Variants in SNX24 observed in about 807,000 individuals in gnomAD.
SNX24 encodes sorting nexin 24, also known as sorting nexin-24.
Under a neutral mutation model 28.7 loss-of-function variants are expected in SNX24, and 22 were observed. The ratio of observed to expected loss-of-function variants is 0.77; its 90% CI spans 0.55 to 1.10. The LOEUF is 1.10. Ranked by LOEUF, SNX24 falls within the 50% of genes least tolerant of loss-of-function variation. The probability of loss-of-function intolerance (pLI) is 0.00; values close to 1 mark genes in which losing one functional copy is unlikely to be tolerated. For missense variants in SNX24, 221 were observed against 201.1 expected (o/e 1.10, Z -0.60); for synonymous variants, 69 against 71.5 (o/e 0.96, Z 0.18).
intron 3 of SNX24, among the ~76,000 whole-genome samples, chr5:122,982,069 T>G (rs1216893834): frequency 6.6e-6 from 1 of 152,260 alleles, no homozygotes; most frequent in Non-Finnish European, 1.5e-5. Context: ...CACACACATT[T>G]GTTTTCCAGG....
intron 1 of SNX24, among the ~76,000 whole-genome samples, chr5:122,926,237 G>A (rs1288528460): frequency 2.0e-5 from 3 of 152,224 alleles, no homozygotes; most frequent in African/African-American, 4.8e-5. Flanking sequence ...ATAGGTGGCA[G>A]TGAGGGAACG....
intron 3 of SNX24, among the ~76,000 whole-genome samples, chr5:122,984,573 G>A (rs1761518036): frequency 6.6e-6 from 1 of 152,156 alleles, no homozygotes; most frequent in Non-Finnish European, 1.5e-5. Flanking sequence ...ACCCTCATAA[G>A]GAAATATCAG....
At position 122,870,778 on chromosome 5, in the gene SNX24, A is replaced by G. The variant is rs549674510; in HGVS notation, c.60+25085A>G. 1.3e-3 allele frequency among the ~76,000 whole-genome samples: 202 copies of G among 152,338 alleles called. 1 individual carries two copies. The highest frequency in any genetic ancestry group is 4.5e-3 in the African/African-American group (187 of 41,570). On this transcript the variant is annotated intron_variant, in intron 1 of 6. Transcript: ENST00000261369. The stretch of plus-strand genomic sequence containing the variant: ...TGGAAAAACTTCAGGTGTTAGCACC[A>G]CTTCAGGTGCCTGACCCTAAGGGAG...
intron 5 of SNX24, chr5:123,028,874 G>C: frequency 1.3e-6 from 2 of 1,589,304 alleles, no homozygotes; most frequent in Non-Finnish European, 1.7e-6. Context: ...CCTTTCTAAA[G>C]AGATTACTTC....
chr5:122,927,226 A>G (rs1758739604), intron 1 of SNX24, among the ~76,000 whole-genome samples: 1 of 152,246 alleles, frequency 6.6e-6, no homozygotes, highest in South Asian at 2.1e-4. Context: ...ATAGAGTATT[A>G]GCAGAGCCCA....
intron 1 of SNX24, among the ~76,000 whole-genome samples, chr5:122,881,835 A>G (rs1390871558): frequency 6.6e-6 from 1 of 151,518 alleles, no homozygotes; most frequent in Non-Finnish European, 1.5e-5. Context: ...TAGAAAAAAC[A>G]TATAGTAAAT....
chr5:122,863,901 A>T (rs1331097707), intron 1 of SNX24, among the ~76,000 whole-genome samples: 1 of 150,868 alleles, frequency 6.6e-6, no homozygotes, highest in Admixed American at 6.6e-5. Flanking sequence ...GAGCGACGTG[A>T]TTCAGTGGCA....
At chr5:122,936,109 C>A (rs1330428491) in intron 1 of SNX24, among the ~76,000 whole-genome samples, 1 of 152,170 alleles carries the variant, frequency 6.6e-6, no homozygotes, top group African/African-American at 2.4e-5. Context: ...ACCCAGAGAA[C>A]CTTTTCATCT....
chr5:123,001,844 C>A, intron 5 of SNX24, 96 bp from the exon 6 acceptor site: 1 of 990,058 alleles, frequency 1.0e-6, no homozygotes, highest in South Asian at 1.3e-5. Flanking sequence ...TTGAGACGTC[C>A]CCGCACAGCA....
intron 3 of SNX24, among the ~76,000 whole-genome samples, chr5:122,974,464 G>T (rs548925460): frequency 6.6e-6 from 1 of 152,338 alleles, no homozygotes; most frequent in Admixed American, 6.5e-5. Context: ...TGCTGGCCTT[G>T]CCAGCTGAAA....
At chr5:122,899,030 G>T (rs1318736520) in intron 1 of SNX24, among the ~76,000 whole-genome samples, 4 of 152,204 alleles carry the variant, frequency 2.6e-5, no homozygotes, top group Non-Finnish European at 5.9e-5. Flanking sequence ...CCATTTTTGA[G>T]AGCTTCTTTT....
At chr5:122,991,384 A>G (rs1459156193) in intron 3 of SNX24, among the ~76,000 whole-genome samples, 1 of 152,204 alleles carries the variant, frequency 6.6e-6, no homozygotes, top group Non-Finnish European at 1.5e-5. Flanking sequence ...TGCTGAAAAG[A>G]ATTGAGCTGT....
rs183559999 is a variant in SNX24, at chr5:123,001,355, G to A, written c.345-50G>A. 3.7e-4 allele frequency: 465 copies of A among 1,246,432 alleles called. 5 individuals are homozygous for A. The highest frequency in any genetic ancestry group is 2.8e-3 in the Middle Eastern group (14 of 4,934). 77.2% of individuals were successfully genotyped at this position (1,246,432 alleles called of 1,614,324 possible). On this transcript the variant is annotated intron_variant, in intron 4 of 6. Coordinates refer to ENST00000261369, the MANE Select transcript of SNX24 (RefSeq NM_014035.4). ...TTTTTCCTTTGTTGGCATAAACATT[G>A]ACTCAACATATGTGGTTTTTTTGTT... is the stretch of plus-strand genomic sequence containing the variant.
chr5:122,939,362 G>A (rs1022696616), intron 2 of SNX24, among the ~76,000 whole-genome samples: 1 of 152,118 alleles, frequency 6.6e-6, no homozygotes, highest in Non-Finnish European at 1.5e-5. Context: ...AGGAGTTGTA[G>A]CCCCTCTTTC....
At chr5:122,924,514 G>A (rs1244358440) in intron 1 of SNX24, among the ~76,000 whole-genome samples, 1 of 152,128 alleles carries the variant, frequency 6.6e-6, no homozygotes, top group African/African-American at 2.4e-5. Context: ...ACTCTACTCA[G>A]TACAGTGTGC....
intron 2 of SNX24, among the ~76,000 whole-genome samples, chr5:122,938,416 TAATAG>T (rs1759276583): frequency 6.6e-6 from 1 of 152,208 alleles, no homozygotes; most frequent in African/African-American, 2.4e-5. Context: ...CTACTAGCAT[TAATAG>T]AATAGAAATT....
chr5:122,857,876 G>A (rs967176439), intron 1 of SNX24, among the ~76,000 whole-genome samples: 1 of 152,050 alleles, frequency 6.6e-6, no homozygotes, highest in Admixed American at 6.6e-5. Context: ...TCCGCCTCCT[G>A]GGTTCAAGCG....
At chr5:122,848,237 A>G (rs1754730751) in intron 1 of SNX24, among the ~76,000 whole-genome samples, 1 of 152,136 alleles carries the variant, frequency 6.6e-6, no homozygotes, top group Non-Finnish European at 1.5e-5. Context: ...TGAGTAGCAC[A>G]GGCATAAATC....
chr5:123,029,175 G>A, intron 5 of SNX24: 3 of 1,518,370 alleles, frequency 2.0e-6, no homozygotes, highest in Non-Finnish European at 1.8e-6. Context: ...ATATTTAATT[G>A]GAAAATAAAG....
Sources: gnomAD v4.1 joint callset for allele counts (sites outside exome capture counted in the v4.1 genomes callset) on GRCh38, gnomAD v4.1.1 for gene constraint, MANE v1.5 for transcripts, NCBI Gene and HGNC (gene_info 2026-07-23, HGNC 2026-07-21) for gene names.